CEMIP2: variants seen among roughly 807,000 people sequenced by gnomAD.
CEMIP2 encodes cell surface hyaluronidase CEMIP2.
Under a neutral mutation model 146.9 loss-of-function variants are expected in CEMIP2, and 79 were observed. That is an observed-to-expected ratio of 0.54 (90% CI 0.45 to 0.65). CEMIP2 has a LOEUF of 0.65. CEMIP2 is among the 30% of genes least tolerant of loss of function. CEMIP2 has a pLI of 0.00. For synonymous variants in CEMIP2, 601 were observed against 606.3 expected (o/e 0.99, Z 0.13); for missense variants, 1,596 against 1,696.2 (o/e 0.94, Z 1.04).
chr9:71,725,812 C>A (rs934922726), intron 10 of CEMIP2, 103 bp from the exon 11 acceptor site: 17 of 1,343,662 alleles, frequency 1.3e-5, no homozygotes, highest in Middle Eastern at 1.9e-4. Context: ...ATCTTTTTCA[C>A]CCAAATTTTT....
At chr9:71,728,651 T>C (rs1823520584) in intron 10 of CEMIP2, among the ~76,000 whole-genome samples, 1 of 152,088 alleles carries the variant, frequency 6.6e-6, no homozygotes, top group African/African-American at 2.4e-5. Flanking sequence ...TAATTCATCA[T>C]AACGAGTTTT....
intron 5 of CEMIP2, among the ~76,000 whole-genome samples, chr9:71,737,782 C>A (rs72737984): frequency 0.07 from 10,721 of 152,162 alleles, 534 homozygotes; most frequent in South Asian, 0.19. Flanking sequence ...AAGTGCCTAA[C>A]AAATCTAAAA....
chr9:71,712,015 C>G, intron 16 of CEMIP2, 68 bp downstream of exon 16: 1 of 1,543,322 alleles, frequency 6.5e-7, no homozygotes, highest in East Asian at 2.3e-5. Context: ...GCGTTTTTGT[C>G]TTTGGGAATG....
chr9:71,687,880 G>A (rs7031160), intron 22 of CEMIP2, among the ~76,000 whole-genome samples: 8,196 of 152,034 alleles, frequency 0.054, 417 homozygotes, highest in African/African-American at 0.13. Flanking sequence ...TTTAGAGATA[G>A]GGTCCTTGCT....
chr9:71,731,354 A>C (rs1201583506), intron 7 of CEMIP2, among the ~76,000 whole-genome samples: 1 of 152,210 alleles, frequency 6.6e-6, no homozygotes, highest in Non-Finnish European at 1.5e-5. Flanking sequence ...TCTGTGATCC[A>C]AAGTTTGAGC....
At chr9:71,736,148 T>C (rs1477150833) in intron 5 of CEMIP2, among the ~76,000 whole-genome samples, 1 of 152,188 alleles carries the variant, frequency 6.6e-6, no homozygotes, top group East Asian at 1.9e-4. Context: ...GTGCCTTTGA[T>C]GGTGATTTAT....
chr9:71,695,396 C>T (rs1162431712), intron 20 of CEMIP2, among the ~76,000 whole-genome samples: 1 of 152,110 alleles, frequency 6.6e-6, no homozygotes. Context: ...AACAATCAGC[C>T]GGGCATGGTA....
At chr9:71,694,298 T>A (rs1269218693) in intron 21 of CEMIP2, among the ~76,000 whole-genome samples, 1 of 151,978 alleles carries the variant, frequency 6.6e-6, no homozygotes, top group African/African-American at 2.4e-5. Context: ...AGCTAATTTT[T>A]TGTATTTTTA....
chr9:71,720,251 G>A (rs1052259362), intron 12 of CEMIP2, among the ~76,000 whole-genome samples: 2 of 151,168 alleles, frequency 1.3e-5, no homozygotes, highest in East Asian at 1.9e-4. Flanking sequence ...ATATTTTCAC[G>A]TCTTGAAGAC....
At chr9:71,728,984 G>A (rs748099960) in intron 10 of CEMIP2, among the ~76,000 whole-genome samples, 1 of 150,974 alleles carries the variant, frequency 6.6e-6, no homozygotes, top group Non-Finnish European at 1.5e-5. Flanking sequence ...GCAAACACCA[G>A]TAGGCCTGGC....
At chr9:71,769,420 C>A (rs996414279), upstream of CEMIP2, among the ~76,000 whole-genome samples, 119 of 152,390 alleles carry the variant, frequency 7.8e-4, no homozygotes, top group African/African-American at 2.7e-3. Flanking sequence ...AAGAACCAGC[C>A]TGCTCTGGGA....
intron 10 of CEMIP2, 135 bp downstream of exon 10, chr9:71,729,710 A>G (rs62547027): frequency 0.083 from 66,131 of 795,518 alleles, 3,550 homozygotes; most frequent in South Asian, 0.19. Context: ...TCTGCTCTCA[A>G]CTAAACAAGT....
At chr9:71,744,899 G>T in intron 4 of CEMIP2, 119 bp downstream of exon 4, 2 of 1,046,984 alleles carry the variant, frequency 1.9e-6, no homozygotes, top group South Asian at 1.6e-5. Context: ...ACATGCAAAT[G>T]GTAGAGTGGC....
intron 14 of CEMIP2, among the ~76,000 whole-genome samples, chr9:71,716,148 AAC>A (rs1396044935): frequency 6.6e-6 from 1 of 151,710 alleles, no homozygotes; most frequent in Non-Finnish European, 1.5e-5. Flanking sequence ...TAAAGAACTA[AAC>A]TTGCTAAATT....
At chr9:71,711,116 A>G (rs1172166054) in intron 16 of CEMIP2, among the ~76,000 whole-genome samples, 3 of 152,180 alleles carry the variant, frequency 2.0e-5, no homozygotes, top group Non-Finnish European at 4.4e-5. Flanking sequence ...GCCTGGGGGC[A>G]TGTAATCAGA....
chr9:71,707,857 T>G (rs577030677), intron 17 of CEMIP2, among the ~76,000 whole-genome samples: 3 of 152,360 alleles, frequency 2.0e-5, no homozygotes, highest in Non-Finnish European at 4.4e-5. Context: ...CTCCATGTTC[T>G]GATCATCTAT....
Position 71,685,181 on chromosome 9 carries a change from A to C in CEMIP2, c.*16T>G. 1 of 1,570,106 alleles carries C rather than the reference A, an allele frequency of 6.4e-7. No homozygotes were observed. Among genetic ancestry groups the C allele is most frequent in the Non-Finnish European group, 8.7e-7 (1 of 1,155,746 alleles). On this transcript the variant is annotated 3_prime_UTR_variant, in exon 24 of 24. Transcript: ENST00000377044. ...TCACATTTTTTTTCCCCCAGCACTT[A>C]AGTTACAGTTAGTCTCTAATGTGCT...
intron 2 of CEMIP2, among the ~76,000 whole-genome samples, chr9:71,746,860 T>C (rs908019499): frequency 2.6e-5 from 4 of 152,294 alleles, no homozygotes; most frequent in East Asian, 3.9e-4. Context: ...GAAACATCAC[T>C]ATCTTCAGCC....
intron 20 of CEMIP2, among the ~76,000 whole-genome samples, chr9:71,697,350 A>G (rs1186768121): frequency 6.6e-6 from 1 of 152,166 alleles, no homozygotes; most frequent in African/African-American, 2.4e-5. Context: ...TTTAGTTCAT[A>G]TTTTGGGTTC....
Sources: allele counts gnomAD v4.1 joint callset (sites outside exome capture counted in the v4.1 genomes callset), GRCh38; gene constraint gnomAD v4.1.1; transcripts MANE v1.5; gene names NCBI Gene and HGNC (gene_info 2026-07-23, HGNC 2026-07-21).